Variants in EXTL3 observed in about 807,000 individuals in gnomAD.
EXTL3 encodes the protein exostosin-like 3.
Under a neutral mutation model 69.3 loss-of-function variants are expected in EXTL3, and 27 were observed. The ratio of observed to expected loss-of-function variants is 0.39; its 90% confidence interval spans 0.29 to 0.54. The LOEUF is 0.54. Among genes scored for constraint, EXTL3 ranks in the 20% least tolerant of loss-of-function variants. The probability of loss-of-function intolerance (pLI) is 0.69; values close to 1 mark genes in which losing one functional copy is unlikely to be tolerated. For missense variants in EXTL3, 1,003 were observed against 1,231.8 expected (o/e 0.81, Z 2.78); for synonymous variants, 511 against 499.4 (o/e 1.02, Z -0.31).
chr8:28,702,815 G>A (rs1292149453), intron 1 of EXTL3, among the ~76,000 whole-genome samples: 2 of 152,054 alleles, frequency 1.3e-5, no homozygotes, highest in Admixed American at 6.6e-5. Flanking sequence ...AGCTCCCCGT[G>A]CTTTCTTTTG....
At chr8:28,637,212 A>G (rs1203524283) in intron 1 of EXTL3, 1 of 152,192 alleles carries the variant, frequency 6.6e-6, no homozygotes, top group East Asian at 1.9e-4. Context: ...GGTTCTGGTA[A>G]AATGGGAACG....
intron 1 of EXTL3, chr8:28,677,939 C>A (rs1807414920): frequency 6.6e-6 from 1 of 152,198 alleles, no homozygotes; most frequent in African/African-American, 2.4e-5. Context: ...AGTCCTGAAC[C>A]AAATGGTACA....
chr8:28,650,556 C>T (rs1806903126), intron 1 of EXTL3, among the ~76,000 whole-genome samples: 2 of 151,996 alleles, frequency 1.3e-5, no homozygotes, highest in Non-Finnish European at 2.9e-5. Context: ...CGGGGTTTCA[C>T]CATGTTGGGC....
chr8:28,733,409 C>A (rs1801580519), intron 4 of EXTL3, among the ~76,000 whole-genome samples: 1 of 151,758 alleles, frequency 6.6e-6, no homozygotes, highest in African/African-American at 2.4e-5. Context: ...TATATATACA[C>A]ACACACACAG....
chr8:28,659,111 C>T (rs1317893573), intron 1 of EXTL3, among the ~76,000 whole-genome samples: 1 of 152,180 alleles, frequency 6.6e-6, no homozygotes, highest in African/African-American at 2.4e-5. Flanking sequence ...TAATTCTGAT[C>T]TCTGTGGCCC....
At position 28,750,613 on chromosome 8, in the gene EXTL3, G is replaced by A; in HGVS notation, c.2551-44G>A. The A allele has an allele frequency of 6.7e-7, 1 of 1,501,178 alleles. No homozygotes were observed. The highest frequency in any genetic ancestry group is 2.3e-5 in the East Asian group (1 of 44,298). 93.0% of individuals were successfully genotyped at this position (1,501,178 alleles called of 1,614,324 possible). A position where few individuals can be genotyped will look rare whatever the true frequency, so the allele number is the denominator to read the frequency against. The stretch of plus-strand genomic sequence containing the variant: ...CGGCTCAGCTGCAAGGGTTCTGTCA[G>A]TATTAGCTGGGATTCCCACTCTGTC... On this transcript the variant is annotated intron_variant, in intron 6 of 6. Transcript: ENST00000220562. The surrounding 1 kb of genome is among the most constrained non-coding windows in gnomAD (Gnocchi z 5.2).
At chr8:28,709,840 G>T (rs933978812) in intron 1 of EXTL3, among the ~76,000 whole-genome samples, 1 of 152,158 alleles carries the variant, frequency 6.6e-6, no homozygotes, top group Non-Finnish European at 1.5e-5. Context: ...AGGTGGAGGG[G>T]CGAGAAGGTG....
Position 28,750,919 on chromosome 8 carries a change from C to T in EXTL3, c.*53C>T. ...TGAGCAGAGGGAGGAAGATGGCTCC[C>T]AAGGTTCCTAGGCATTGCAGGACCT... is the stretch of plus-strand genomic sequence containing the variant. On this transcript the variant is annotated 3_prime_UTR_variant, in exon 7 of 7. Transcript: ENST00000220562. The surrounding 1 kb of genome is among the most constrained non-coding windows in gnomAD (Gnocchi z 5.2). 2.0e-6 allele frequency: 3 copies of T among 1,535,718 alleles called. No individual in the cohort carries two copies. Among genetic ancestry groups the T allele is most frequent in the Non-Finnish European group, 2.7e-6 (3 of 1,113,034 alleles).
At chr8:28,723,515 T>C (rs1801342259) in intron 3 of EXTL3, among the ~76,000 whole-genome samples, 1 of 152,216 alleles carries the variant, frequency 6.6e-6, no homozygotes, top group South Asian at 2.1e-4. Context: ...AGGTAATGTC[T>C]TCCCCTCTTA....
chr8:28,619,311 A>AAAAAAAAAAAAAAAAC (rs1478312916), upstream of EXTL3, among the ~76,000 whole-genome samples: 3 of 121,472 alleles, frequency 2.5e-5, no homozygotes, highest in Non-Finnish European at 4.9e-5. Context: ...AAAAAAAAAA[A>AAAAAAAAAAAAAAAAC]AAAACCCTGT....
chr8:28,624,642 A>G (rs1806464352), intron 1 of EXTL3, among the ~76,000 whole-genome samples: 1 of 152,218 alleles, frequency 6.6e-6, no homozygotes, highest in African/African-American at 2.4e-5. Context: ...AAATTAGTAT[A>G]TGTTAGTGAT....
chr8:28,614,147 T>C (rs1054940475), intron 2 of EXTL3, among the ~76,000 whole-genome samples: 1 of 152,070 alleles, frequency 6.6e-6, no homozygotes, highest in Admixed American at 6.6e-5. Flanking sequence ...TCAATTTTAT[T>C]GATACTTTCA....
In EXTL3 at chr8:28,737,673, A is replaced by T; in HGVS notation, c.2421+10A>T. ...TGCCTTCTTTCACAAGGTAAGAAAA[A>T]GCTGGTAATAATGGCATCGACTTGG... On this transcript the variant is annotated intron_variant, in intron 5 of 6. Transcript: ENST00000220562. The T allele has an allele frequency of 6.2e-7, 1 of 1,614,112 alleles. No homozygotes were observed. Among genetic ancestry groups the T allele is most frequent in the African/African-American group, 1.3e-5 (1 of 75,046 alleles).
chr8:28,661,356 TAC>T (rs112453996), intron 1 of EXTL3, among the ~76,000 whole-genome samples: 44 of 151,580 alleles, frequency 2.9e-4, no homozygotes, highest in Admixed American at 8.6e-4. Flanking sequence ...TATATATATA[TAC>T]ACACACACAT....
chr8:28,746,347 A>T (rs1287482826), intron 6 of EXTL3, among the ~76,000 whole-genome samples: 2 of 152,230 alleles, frequency 1.3e-5, no homozygotes, highest in African/African-American at 4.8e-5. Context: ...GAGATTGAAA[A>T]GTCACCTGTA....
intron 1 of EXTL3, chr8:28,631,471 G>C (rs1167996497): frequency 6.6e-6 from 1 of 152,190 alleles, no homozygotes; most frequent in Non-Finnish European, 1.5e-5. Context: ...TTTTCTCTGT[G>C]CTACAGGGCA....
intron 2 of EXTL3, among the ~76,000 whole-genome samples, chr8:28,614,225 G>A (rs1230074528): frequency 6.7e-6 from 1 of 148,166 alleles, no homozygotes; most frequent in Non-Finnish European, 1.5e-5. Context: ...TTGATTTTTA[G>A]CCTAATTTTT....
At chr8:28,732,568 C>A (rs936754798) in intron 4 of EXTL3, among the ~76,000 whole-genome samples, 9 of 152,168 alleles carry the variant, frequency 5.9e-5, no homozygotes, top group African/African-American at 1.9e-4. Context: ...CCAAACCCCT[C>A]AGTCCTAGGT....
At chr8:28,668,832 A>G (rs1349553814) in intron 1 of EXTL3, among the ~76,000 whole-genome samples, 4 of 146,208 alleles carry the variant, frequency 2.7e-5, no homozygotes, top group African/African-American at 1.0e-4. Flanking sequence ...ACCAGTAACC[A>G]ATAGCATACC....
Sources: gnomAD v4.1 joint callset for allele counts (sites outside exome capture counted in the v4.1 genomes callset) on GRCh38, gnomAD v4.1.1 for gene constraint, Gnocchi (gnomAD v3.1) non-coding constraint, MANE v1.5 for transcripts, NCBI Gene and HGNC (gene_info 2026-07-23, HGNC 2026-07-21) for gene names.